ZCCHC4: variants seen among roughly 807,000 people sequenced by gnomAD.
ZCCHC4 encodes the protein rRNA N(6)-adenosine-methyltransferase ZCCHC4.
In ZCCHC4, 54 loss-of-function variants were observed where a neutral mutation model predicts 67.7. That is an observed-to-expected ratio of 0.80 (90% CI 0.64 to 1.00). The LOEUF (loss-of-function observed/expected upper bound fraction) is 1.00. ZCCHC4 is among the 50% of genes least tolerant of loss of function. ZCCHC4 has a pLI of 0.00. For synonymous variants in ZCCHC4, 198 were observed against 213.5 expected, an observed-to-expected ratio of 0.93 and a Z score of 0.63; for missense variants, 609 against 617.0, an observed-to-expected ratio of 0.99 and a Z score of 0.14.
chr4:25,351,655 A>C lies in ZCCHC4; in HGVS notation c.977A>C (p.Gln326Pro), dbSNP rs1720302798. The C allele has an allele frequency of 6.2e-7, 1 of 1,612,464 alleles. No individual in the cohort carries two copies. Among genetic ancestry groups the C allele is most frequent in the Non-Finnish European group, 8.5e-7 (1 of 1,179,360 alleles). Residue 326 changes from glutamine to proline, a missense_variant, in exon 8 of 13, where the codon CAG (glutamine) becomes CCG (proline). By Grantham distance (76) the Gln-to-Pro change is moderately conservative. Transcript: ENST00000302874. ...TATTTTTTTGAATCCCGAATTTGTC[A>C]GTTTTTTCCAAGCTTCCAGATGCTG... ...FPYFFESRIC[Q>P]FFPSFQMLDY...
intron 6 of ZCCHC4, 62 bp from the exon 7 acceptor site, chr4:25,349,430 C>T: frequency 6.5e-7 from 1 of 1,538,608 alleles, no homozygotes; most frequent in South Asian, 1.2e-5. Context: ...GCATTCTCCT[C>T]CAAATAGGAT....
chr4:25,350,294 T>C (rs1720239686), intron 7 of ZCCHC4, among the ~76,000 whole-genome samples: 1 of 126,160 alleles, frequency 7.9e-6, no homozygotes, highest in South Asian at 2.8e-4. Context: ...AGAGTCTCAC[T>C]CTGTCACCCA....
chr4:25,333,385 C>G lies in ZCCHC4; in HGVS notation c.532C>G (p.Arg178Gly), dbSNP rs373321070. ...KTNAQYLFAD[R>G]SCQFLVDLLS... is the part of the protein sequence containing the mutation. ...AAATGCCCAGTATCTGTTTGCTGAT[C>G]GGAGCTGTCAGTTCTTGGTAGACTT... The change falls in exon 4 of 13, where the codon CGG (arginine) becomes GGG (glycine). Residue 178 changes from arginine (R) to glycine (G), a missense_variant. Coordinates refer to ENST00000302874, the MANE Select transcript of ZCCHC4 (RefSeq NM_024936.3). 8.1e-6 allele frequency: 13 copies of G among 1,613,970 alleles called. No individual in the cohort carries two copies. The highest frequency in any genetic ancestry group is 1.1e-5 in the Non-Finnish European group (13 of 1,180,018).
At chr4:25,358,371 C>G (rs1028668528) in intron 8 of ZCCHC4, among the ~76,000 whole-genome samples, 5 of 152,180 alleles carry the variant, frequency 3.3e-5, no homozygotes, top group African/African-American at 9.7e-5. Context: ...ATTTCACACA[C>G]AGAATGGGAA....
In ZCCHC4 at chr4:25,318,918, T is replaced by C. The variant is rs541745199; in HGVS notation, c.329+3518T>C. Among the ~76,000 whole-genome samples the C allele has an allele frequency of 3.9e-5, 6 of 152,294 alleles. No individual in the cohort carries two copies. The East Asian group carries it at 1.2e-3, about 29-fold the overall frequency. ...ACCTTGGATTGTGTGGCCAGAAGTC[T>C]CCATCCAACCATCTGTCCACCTAGT... On this transcript the variant is annotated intron_variant, in intron 3 of 12. Transcript: ENST00000302874.
chr4:25,348,319 T>G (rs1165992172), intron 6 of ZCCHC4, among the ~76,000 whole-genome samples: 1 of 152,208 alleles, frequency 6.6e-6, no homozygotes, highest in Non-Finnish European at 1.5e-5. Context: ...AAAATATATT[T>G]TATTATAAAA....
In ZCCHC4 at chr4:25,369,017, C is replaced by G. The variant is rs1160652392; in HGVS notation, c.1407-12C>G. The G allele has an allele frequency of 6.2e-7, 1 of 1,601,312 alleles. No individual in the cohort carries two copies. Among genetic ancestry groups the G allele is most frequent in the Non-Finnish European group, 8.5e-7 (1 of 1,176,990 alleles). Reference sequence around the variant, plus strand: ...CTCATTCTGTGAAATAATTTAGCACCTTGTTTTCCAGAGCTGTCAGAAAGC... The same window carrying G: ...CTCATTCTGTGAAATAATTTAGCACGTTGTTTTCCAGAGCTGTCAGAAAGC... On this transcript the variant is annotated splice_polypyrimidine_tract_variant and intron_variant, in intron 12 of 12. Coordinates refer to ENST00000302874, the MANE Select transcript of ZCCHC4 (RefSeq NM_024936.3).
chr4:25,362,220 C>A lies in ZCCHC4; in HGVS notation c.1134-6C>A. ...ATGCAGCTGATTTCTCTGTCCTTTA[C>A]TCTAGATTTTGCTCTCCGTGTCAAC... On this transcript the variant is annotated splice_polypyrimidine_tract_variant and splice_region_variant and intron_variant, in intron 9 of 12. Transcript: ENST00000302874. 1 of 1,607,552 alleles carries A rather than the reference C, an allele frequency of 6.2e-7. No individual in the cohort carries two copies. The highest frequency in any genetic ancestry group is 1.1e-5 in the South Asian group (1 of 90,138).
At chr4:25,362,381 T>A in intron 10 of ZCCHC4, 80 bp downstream of exon 10, 1 of 874,076 alleles carries the variant, frequency 1.1e-6, no homozygotes, top group Non-Finnish European at 1.7e-6. Flanking sequence ...ACTTTTTCAA[T>A]GTTATTTTGT....
Position 25,359,414 on chromosome 4 carries a change from T to C in ZCCHC4, c.1012-2445T>C, listed in dbSNP as rs1720635724. Among the ~76,000 whole-genome samples the C allele has an allele frequency of 6.6e-6, 1 of 152,106 alleles. No individual in the cohort carries two copies. The highest frequency in any genetic ancestry group is 6.6e-5 in the Admixed American group (1 of 15,266). ...GACCTCCAGGCACAGGCGGGGCACCTGGAGGCTCGGCTACAGAGCTTGGAA... is the reference window on the plus strand; with the variant it reads ...GACCTCCAGGCACAGGCGGGGCACCCGGAGGCTCGGCTACAGAGCTTGGAA... On this transcript the variant is annotated intron_variant, in intron 8 of 12. Coordinates refer to ENST00000302874, the MANE Select transcript of ZCCHC4 (RefSeq NM_024936.3). This position sits in a 1 kb window ranked among gnomAD's most constrained non-coding sequence, Gnocchi z 4.9.
chr4:25,347,778 G>C (rs1489943466), intron 6 of ZCCHC4, among the ~76,000 whole-genome samples: 1 of 152,168 alleles, frequency 6.6e-6, no homozygotes, highest in East Asian at 1.9e-4. Context: ...GCAAATCATA[G>C]AGTCTTTAAA....
Position 25,345,721 on chromosome 4 carries a change from G to T in ZCCHC4, c.759+101G>T, listed in dbSNP as rs1465712170. The T allele has an allele frequency of 7.8e-6, 6 of 765,582 alleles. 1 individual carries two copies. The highest frequency in any genetic ancestry group is 5.3e-5 in the Admixed American group (2 of 37,716). The allele number at this position is 765,582 out of a possible 1,614,324, so 47.4% of individuals were successfully genotyped here. ...TTCTAAATTCCCTCAAGGTCAAATTGTGGCTGTTCTACCATTTACTGATAT... is the reference window on the plus strand; with the variant it reads ...TTCTAAATTCCCTCAAGGTCAAATTTTGGCTGTTCTACCATTTACTGATAT... On this transcript the variant is annotated intron_variant, in intron 6 of 12. Coordinates refer to ENST00000302874, the MANE Select transcript of ZCCHC4 (RefSeq NM_024936.3).
intron 5 of ZCCHC4, among the ~76,000 whole-genome samples, chr4:25,341,582 C>A (rs1719759561): frequency 6.6e-6 from 1 of 152,196 alleles, no homozygotes. Flanking sequence ...GTACAGCCTG[C>A]AGAACTGTGA....
chr4:25,344,579 T>A lies in ZCCHC4; in HGVS notation c.687-969T>A, dbSNP rs191865715. 6.7e-3 allele frequency among the ~76,000 whole-genome samples: 1,021 copies of A among 151,386 alleles called. 10 individuals carry two copies. The highest frequency in any genetic ancestry group is 0.023 in the African/African-American group (958 of 41,276). ...TATACATATGTAACTAACCTGCACA[T>A]TGTGCACATGTACCCTAAAACTTAA... On this transcript the variant is annotated intron_variant, in intron 5 of 12. Transcript: ENST00000302874.
intron 8 of ZCCHC4, among the ~76,000 whole-genome samples, chr4:25,354,112 G>T (rs1488151843): frequency 6.6e-6 from 1 of 152,150 alleles, no homozygotes; most frequent in Non-Finnish European, 1.5e-5. Flanking sequence ...TTAGAGAGGA[G>T]TTTTTCTTTT....
chr4:25,340,115 G>A (rs1194364089), intron 5 of ZCCHC4, among the ~76,000 whole-genome samples: 4 of 152,114 alleles, frequency 2.6e-5, no homozygotes, highest in Admixed American at 6.5e-5. Flanking sequence ...TGATCCACCC[G>A]CCTCGGCCTC....
intron 1 of ZCCHC4, 137 bp downstream of exon 1, chr4:25,313,073 C>T: frequency 2.3e-6 from 3 of 1,285,874 alleles, no homozygotes; most frequent in Non-Finnish European, 3.2e-6. Flanking sequence ...ACTCCTTCCT[C>T]GGAACGCGGT....
chr4:25,338,069 A>G (rs911703322), intron 5 of ZCCHC4, among the ~76,000 whole-genome samples: 2 of 152,220 alleles, frequency 1.3e-5, no homozygotes, highest in Non-Finnish European at 2.9e-5. Flanking sequence ...ATAACCTTGA[A>G]AACTTTTCCT....
intron 10 of ZCCHC4, among the ~76,000 whole-genome samples, chr4:25,363,899 G>A (rs1053038572): frequency 3.9e-5 from 6 of 152,164 alleles, no homozygotes; most frequent in Non-Finnish European, 7.4e-5. Context: ...GGAGCATGGG[G>A]CAGTTTCCAG....
Sources: gnomAD v4.1 joint callset for allele counts (sites outside exome capture counted in the v4.1 genomes callset) on GRCh38, gnomAD v4.1.1 for gene constraint, Gnocchi (gnomAD v3.1) non-coding constraint, MANE v1.5 for transcripts, NCBI Gene and HGNC (gene_info 2026-07-23, HGNC 2026-07-21) for gene names.